The following KCNK12 variants were observed in gnomAD, a reference collection of about 807,000 sequenced individuals.
The protein encoded by KCNK12 is potassium channel subfamily K member 12.
Under a neutral mutation model 25.3 loss-of-function variants are expected in KCNK12, and 6 were observed. The ratio of observed to expected loss-of-function variants is 0.24; its 90% CI spans 0.13 to 0.47. KCNK12 has a LOEUF of 0.47. Among genes scored for constraint, KCNK12 ranks in the 20% least tolerant of loss-of-function variants. The pLI, the probability that KCNK12 is intolerant of heterozygous loss-of-function variation, is 0.99. For synonymous variants in KCNK12, 331 were observed against 311.1 expected, an observed-to-expected ratio of 1.06 and a Z score of -0.67; for missense variants, 444 against 661.7, an observed-to-expected ratio of 0.67 and a Z score of 3.61.
At chr2:47,530,525 A>T (rs932404617) in intron 1 of KCNK12, among the ~76,000 whole-genome samples, 1 of 152,246 alleles carries the variant, frequency 6.6e-6, no homozygotes, top group East Asian at 1.9e-4. Flanking sequence ...TGCGGAGGGT[A>T]TAATAACTGC....
At chr2:47,567,868 T>TA (rs1489857991) in intron 1 of KCNK12, among the ~76,000 whole-genome samples, 1 of 152,280 alleles carries the variant, frequency 6.6e-6, no homozygotes, top group Admixed American at 6.5e-5. Flanking sequence ...GCCAGTAGAC[T>TA]AAAGGCTGGG....
At position 47,512,306 on chromosome 2, in the gene KCNK12, C is replaced by T. The variant is rs1487846717; in HGVS notation, c.*8601G>A. 3 of 1,612,566 alleles carry T rather than the reference C, an allele frequency of 1.9e-6. No individual in the cohort carries two copies. In the African/African-American group the frequency reaches 4.0e-5, roughly 21 times the overall value. ...CCTCTCTTCTCCTTCCTTTCAGAAC[C>T]TCAGAGTGACAGAGCCAAAAGACCA... On this transcript the variant is annotated 3_prime_UTR_variant, in exon 2 of 2. Transcript: ENST00000327876.
intron 1 of KCNK12, among the ~76,000 whole-genome samples, chr2:47,542,536 G>A (rs1669222926): frequency 6.6e-6 from 1 of 152,202 alleles, no homozygotes; most frequent in African/African-American, 2.4e-5. Flanking sequence ...GCTCTGAGGG[G>A]AAGGTCTCTG....
rs1208001056 is a variant in KCNK12 at position 47,562,179 on chromosome 2, A to G, written c.391+7762T>C. 2 of 398,520 alleles carry G rather than the reference A, an allele frequency of 5.0e-6. No individual in the cohort carries two copies. The highest frequency in any genetic ancestry group is 3.6e-5 in the East Asian group (1 of 28,088). The allele number at this position is 398,520 out of a possible 1,614,324, so 24.7% of individuals were successfully genotyped here. A position where few individuals can be genotyped will look rare whatever the true frequency, so the allele number is the denominator to read the frequency against. On this transcript the variant is annotated intron_variant, in intron 1 of 1. Transcript: ENST00000327876. The surrounding 1 kb of genome is among the most constrained non-coding windows in gnomAD (Gnocchi z 4.8). ...ACCCCAGACCTACTCAACAGAAACT[A>G]CTTGGTAAGCAGATTCCCAGGTGGT...
Position 47,515,779 on chromosome 2 carries a change from A to T in KCNK12, c.*5128T>A, listed in dbSNP as rs544440205. Among the ~76,000 whole-genome samples the T allele has an allele frequency of 6.6e-6, 1 of 152,146 alleles. No individual in the cohort carries two copies. Among genetic ancestry groups the T allele is most frequent in the East Asian group, 1.9e-4 (1 of 5,190 alleles). ...AGAAGGCCTCAGTAGAGTTTGCACT[A>T]TTATTAGGGCAAGTAAGCTGCTTCT... On this transcript the variant is annotated 3_prime_UTR_variant, in exon 2 of 2. Coordinates refer to ENST00000327876, the MANE Select transcript of KCNK12 (RefSeq NM_022055.2).
At chr2:47,559,561 C>A (rs1669621694) in intron 1 of KCNK12, among the ~76,000 whole-genome samples, 2 of 152,196 alleles carry the variant, frequency 1.3e-5, no homozygotes, top group Admixed American at 1.3e-4. Context: ...TCATTCAATG[C>A]ATAGCTGCTG....
At position 47,529,521 on chromosome 2, in the gene KCNK12, C is replaced by A. The variant is rs1183159023; in HGVS notation, c.392-7713G>T. 6.6e-6 allele frequency among the ~76,000 whole-genome samples: 1 copy of A among 152,234 alleles called. No homozygotes were observed. Among genetic ancestry groups the A allele is most frequent in the Non-Finnish European group, 1.5e-5 (1 of 68,050 alleles). ...TTTTTGTGGTGGGCACTGCAGCTCT[C>A]TCCTTACCAATCATTCTCCCAGCCT... is the stretch of plus-strand genomic sequence containing the variant. On this transcript the variant is annotated intron_variant, in intron 1 of 1. Coordinates refer to ENST00000327876, the MANE Select transcript of KCNK12 (RefSeq NM_022055.2). This position sits in a 1 kb window ranked among gnomAD's most constrained non-coding sequence, Gnocchi z 4.3.
chr2:47,512,679 T>A lies in KCNK12; in HGVS notation c.*8228A>T, dbSNP rs549233226. 2.3e-6 allele frequency: 1 copy of A among 431,642 alleles called. No homozygotes were observed. The highest frequency in any genetic ancestry group is 4.1e-6 in the Non-Finnish European group (1 of 242,388). 26.7% of individuals were successfully genotyped at this position (431,642 alleles called of 1,614,324 possible). ...TTGTACACCCACTGCCTCTGAACTC[T>A]GCTCTGCATTGCTGAGCAAACTACA... On this transcript the variant is annotated 3_prime_UTR_variant, in exon 2 of 2. Coordinates refer to ENST00000327876, the MANE Select transcript of KCNK12 (RefSeq NM_022055.2).
intron 1 of KCNK12, among the ~76,000 whole-genome samples, chr2:47,535,621 T>G (rs981221824): frequency 1.3e-5 from 2 of 152,158 alleles, no homozygotes; most frequent in Non-Finnish European, 2.9e-5. Context: ...CTGCTGGTAC[T>G]TTCACAGGTG....
In KCNK12 at chr2:47,554,393, C is replaced by G. The variant is rs367786171; in HGVS notation, c.391+15548G>C. On this transcript the variant is annotated intron_variant, in intron 1 of 1. Transcript: ENST00000327876. ...GGGACACTACTGTAATCAGGGGGAC[C>G]AGGGAAGGCTCCTCAAGGGTGACAT... is the stretch of plus-strand genomic sequence containing the variant. 9.8e-4 allele frequency among the ~76,000 whole-genome samples: 149 copies of G among 152,184 alleles called. 2 individuals carry two copies. The South Asian group carries it at 0.029, about 30-fold the overall frequency.
At position 47,533,533 on chromosome 2, in the gene KCNK12, A is replaced by G. The variant is rs183374209; in HGVS notation, c.392-11725T>C. Among the ~76,000 whole-genome samples the G allele has an allele frequency of 3.4e-4, 52 of 152,292 alleles. No homozygotes were observed. Among genetic ancestry groups the G allele is most frequent in the African/African-American group, 1.3e-3 (52 of 41,566 alleles). ...GACATATGGATTTCCATGGCAGGGAAATGCCCCCGTAGGCACAGTCAAGCC... is the reference window on the plus strand; with the variant it reads ...GACATATGGATTTCCATGGCAGGGAGATGCCCCCGTAGGCACAGTCAAGCC... On this transcript the variant is annotated intron_variant, in intron 1 of 1. Coordinates refer to ENST00000327876, the MANE Select transcript of KCNK12 (RefSeq NM_022055.2). This position sits in a 1 kb window ranked among gnomAD's most constrained non-coding sequence, Gnocchi z 4.7.
intron 1 of KCNK12, among the ~76,000 whole-genome samples, chr2:47,522,077 T>A (rs1227508487): frequency 6.6e-6 from 1 of 152,110 alleles, no homozygotes; most frequent in African/African-American, 2.4e-5. Flanking sequence ...TTGGGACAGG[T>A]AGTCACTAGG....
intron 1 of KCNK12, chr2:47,534,987 C>T: frequency 4.4e-6 from 1 of 226,282 alleles, no homozygotes. Context: ...AGAAGCACAG[C>T]CTCGTCCTTT....
chr2:47,560,143 G>GT lies in KCNK12; in HGVS notation c.391+9797dup, dbSNP rs928693475. On this transcript the variant is annotated intron_variant, in intron 1 of 1. Coordinates refer to ENST00000327876, the MANE Select transcript of KCNK12 (RefSeq NM_022055.2). This position sits in a 1 kb window ranked among gnomAD's most constrained non-coding sequence, Gnocchi z 4.7. ...TGGTGTGCTTAAGGGAGGCCCTCCT[G>GT]TTTTTTTGGTTTTCTGTCCCGCCTG... Among the ~76,000 whole-genome samples the GT allele has an allele frequency of 1.3e-5, 2 of 152,130 alleles. No individual in the cohort carries two copies. Among genetic ancestry groups the GT allele is most frequent in the African/African-American group, 4.8e-5 (2 of 41,422 alleles).
At position 47,548,744 on chromosome 2, in the gene KCNK12, G is replaced by T. The variant is rs1669364875; in HGVS notation, c.391+21197C>A. Among the ~76,000 whole-genome samples, 1 of 152,222 alleles carries T rather than the reference G, an allele frequency of 6.6e-6. No individual in the cohort carries two copies. The highest frequency in any genetic ancestry group is 2.1e-4 in the South Asian group (1 of 4,832). ...AAGGTAGTTCAGGATTATGGTCCCT[G>T]AGAGAAGGGAAACAAACAAGGTGAG... On this transcript the variant is annotated intron_variant, in intron 1 of 1. Coordinates refer to ENST00000327876, the MANE Select transcript of KCNK12 (RefSeq NM_022055.2). The surrounding 1 kb of genome is among the most constrained non-coding windows in gnomAD (Gnocchi z 4.4).
Position 47,525,942 on chromosome 2 carries a change from C to T in KCNK12, c.392-4134G>A, listed in dbSNP as rs563628831. ...GTGGCTCCAGTGATGTAAGATCACC[C>T]CCATGCCCCATCCACTGCGGGTCCC... On this transcript the variant is annotated intron_variant, in intron 1 of 1. Transcript: ENST00000327876. This position sits in a 1 kb window ranked among gnomAD's most constrained non-coding sequence, Gnocchi z 4.1. Among the ~76,000 whole-genome samples, 2 of 152,160 alleles carry T rather than the reference C, an allele frequency of 1.3e-5. No individual in the cohort carries two copies. Among genetic ancestry groups the T allele is most frequent in the Non-Finnish European group, 2.9e-5 (2 of 68,020 alleles).
rs117001602 is a variant in KCNK12 at position 47,548,674 on chromosome 2, A to G, written c.391+21267T>C. On this transcript the variant is annotated intron_variant, in intron 1 of 1. Transcript: ENST00000327876. The surrounding 1 kb of genome is among the most constrained non-coding windows in gnomAD (Gnocchi z 4.4). ...TCCCTCCCACCATAATCAACCAGGAAACCGGAAAAAGTCTATGAGATAATT... is the reference window on the plus strand; with the variant it reads ...TCCCTCCCACCATAATCAACCAGGAGACCGGAAAAAGTCTATGAGATAATT... 3.3e-4 allele frequency among the ~76,000 whole-genome samples: 51 copies of G among 152,360 alleles called. 1 individual carries two copies. In the East Asian group the frequency reaches 9.2e-3, roughly 28 times the overall value.
rs1668349758 is a variant in KCNK12 at position 47,509,552 on chromosome 2, A to G, written c.*11355T>C. Among the ~76,000 whole-genome samples, 1 of 152,216 alleles carries G rather than the reference A, an allele frequency of 6.6e-6. No homozygotes were observed. Among genetic ancestry groups the G allele is most frequent in the Non-Finnish European group, 1.5e-5 (1 of 68,050 alleles). Reference sequence around the variant, plus strand: ...TACCTGGTGCAGGATTGTGGTGTCCAGGTGTCTCTCCTTAGCACATAAGAC... The same window carrying G: ...TACCTGGTGCAGGATTGTGGTGTCCGGGTGTCTCTCCTTAGCACATAAGAC... On this transcript the variant is annotated 3_prime_UTR_variant, in exon 2 of 2. Transcript: ENST00000327876.
rs1270129623 is a variant in KCNK12, at chr2:47,556,837, C to T, written c.391+13104G>A. 6.6e-6 allele frequency among the ~76,000 whole-genome samples: 1 copy of T among 152,058 alleles called. No homozygotes were observed. Among genetic ancestry groups the T allele is most frequent in the African/African-American group, 2.4e-5 (1 of 41,390 alleles). On this transcript the variant is annotated intron_variant, in intron 1 of 1. Transcript: ENST00000327876. The surrounding 1 kb of genome is among the most constrained non-coding windows in gnomAD (Gnocchi z 4.8). ...ACAGGGTGATATCAGAGGATGGGAGCTGGAAGCATGGGAGGTGGTGGTCAG... is the reference window on the plus strand; with the variant it reads ...ACAGGGTGATATCAGAGGATGGGAGTTGGAAGCATGGGAGGTGGTGGTCAG...
Sources: gnomAD v4.1 joint callset for allele counts (sites outside exome capture counted in the v4.1 genomes callset) on GRCh38, gnomAD v4.1.1 for gene constraint, Gnocchi (gnomAD v3.1) non-coding constraint, MANE v1.5 for transcripts, NCBI Gene and HGNC (gene_info 2026-07-23, HGNC 2026-07-21) for gene names.